Variants in NCK1 observed in about 807,000 individuals in gnomAD.
NCK1 encodes the protein SH2/SH3 adapter protein NCK1.
NCK1 carries 19 observed loss-of-function variants against 36.6 expected under a neutral mutation model. The observed-to-expected ratio is 0.52, with a 90% CI of 0.36 to 0.76. NCK1 has a LOEUF of 0.76. Ranked by LOEUF, NCK1 falls within the 30% of genes least tolerant of loss-of-function variation. NCK1 has a pLI of 0.00. For synonymous variants in NCK1, 165 were observed against 156.0 expected (o/e 1.06, Z -0.43); for missense variants, 358 against 445.6 (o/e 0.80, Z 1.77).
At chr3:136,873,416 T>C (rs1938682553) in intron 1 of NCK1, among the ~76,000 whole-genome samples, 1 of 152,312 alleles carries the variant, frequency 6.6e-6, no homozygotes, top group South Asian at 2.1e-4. Context: ...CCATCTTATC[T>C]AGGAAGTAAC....
intron 1 of NCK1, among the ~76,000 whole-genome samples, chr3:136,888,638 G>A (rs888611885): frequency 1.3e-5 from 2 of 151,632 alleles, no homozygotes; most frequent in East Asian, 1.9e-4. Flanking sequence ...TCTTGACCTC[G>A]CGAGCCACCG....
intron 1 of NCK1, among the ~76,000 whole-genome samples, chr3:136,880,151 G>A (rs1344982202): frequency 6.6e-6 from 1 of 151,964 alleles, no homozygotes; most frequent in East Asian, 1.9e-4. Flanking sequence ...CGGGTGTGGT[G>A]GTGGGCGCCT....
chr3:136,895,775 G>A (rs1162475324), intron 1 of NCK1, among the ~76,000 whole-genome samples: 1 of 152,032 alleles, frequency 6.6e-6, no homozygotes, highest in Non-Finnish European at 1.5e-5. Flanking sequence ...ATGTTGACCA[G>A]GCTGATCTCT....
At chr3:136,868,102 A>G (rs1158006569) in intron 1 of NCK1, among the ~76,000 whole-genome samples, 1 of 151,980 alleles carries the variant, frequency 6.6e-6, no homozygotes, top group Non-Finnish European at 1.5e-5. Flanking sequence ...TTTTTAGTAG[A>G]GATGGGTTTC....
At chr3:136,892,115 T>C (rs891928260) in intron 1 of NCK1, among the ~76,000 whole-genome samples, 5 of 152,134 alleles carry the variant, frequency 3.3e-5, no homozygotes, top group Admixed American at 2.6e-4. Context: ...CTTGAACTTT[T>C]AGCCTCAAGG....
chr3:136,866,342 C>G (rs1938410072), intron 1 of NCK1, among the ~76,000 whole-genome samples: 1 of 149,982 alleles, frequency 6.7e-6, no homozygotes, highest in South Asian at 2.1e-4. Context: ...GAGTCTCGCT[C>G]TGTTGCCCAG....
chr3:136,913,815 C>T (rs1939891175), intron 1 of NCK1, among the ~76,000 whole-genome samples: 2 of 152,302 alleles, frequency 1.3e-5, no homozygotes, highest in South Asian at 2.1e-4. Flanking sequence ...ACTACAGGCG[C>T]CCGCCACCGC....
chr3:136,868,528 A>G (rs1938514319), intron 1 of NCK1, among the ~76,000 whole-genome samples: 1 of 152,046 alleles, frequency 6.6e-6, no homozygotes, highest in Non-Finnish European at 1.5e-5. Context: ...GGGTTTCACC[A>G]TGTTGGCCAG....
chr3:136,917,823 C>T lies in NCK1; in HGVS notation c.-18-10161C>T, dbSNP rs904037032. ...TCAGGAAGATAATTCCCAGAACCTT[C>T]GCAATGGATGACAAATACATCAGTA... On this transcript the variant is annotated intron_variant, in intron 1 of 3. Transcript: ENST00000481752. 3.3e-5 allele frequency among the ~76,000 whole-genome samples: 5 copies of T among 152,198 alleles called. No individual in the cohort carries two copies. In the East Asian group the frequency reaches 7.7e-4, roughly 23 times the overall value.
chr3:136,910,276 T>TC (rs1200964781), intron 1 of NCK1, among the ~76,000 whole-genome samples: 4 of 152,172 alleles, frequency 2.6e-5, no homozygotes, highest in Admixed American at 2.0e-4. Flanking sequence ...GATAAAACAC[T>TC]CCAATTTAAA....
chr3:136,883,222 ACTT>A (rs1051518791), intron 1 of NCK1, among the ~76,000 whole-genome samples: 1 of 152,130 alleles, frequency 6.6e-6, no homozygotes, highest in African/African-American at 2.4e-5. Flanking sequence ...TGCCCAGCCT[ACTT>A]CTTATTACAT....
intron 1 of NCK1, among the ~76,000 whole-genome samples, chr3:136,881,426 G>A (rs951916002): frequency 6.6e-6 from 1 of 151,908 alleles, no homozygotes; most frequent in Admixed American, 6.6e-5. Flanking sequence ...CACCATATTG[G>A]CCAGGCTGGT....
chr3:136,899,780 A>G (rs183523615), intron 1 of NCK1: 18 of 1,408,156 alleles, frequency 1.3e-5, no homozygotes, highest in Non-Finnish European at 1.6e-5. Context: ...ACTTCTGCAC[A>G]TTAGTGGTGA....
intron 1 of NCK1, among the ~76,000 whole-genome samples, chr3:136,916,941 T>A (rs1426838513): frequency 1.3e-5 from 2 of 151,990 alleles, no homozygotes; most frequent in African/African-American, 4.8e-5. Context: ...AGGAGGGAAA[T>A]TAAATATATT....
chr3:136,919,506 C>T (rs1017813471), intron 1 of NCK1, among the ~76,000 whole-genome samples: 1 of 152,058 alleles, frequency 6.6e-6, no homozygotes, highest in Non-Finnish European at 1.5e-5. Flanking sequence ...AATTAACATC[C>T]TAGTATTATG....
At chr3:136,897,246 G>C (rs764432975) in intron 1 of NCK1, among the ~76,000 whole-genome samples, 1 of 152,002 alleles carries the variant, frequency 6.6e-6, no homozygotes, top group Non-Finnish European at 1.5e-5. Flanking sequence ...GTGCCACCAT[G>C]CTCGGCTAAT....
chr3:136,930,965 C>T (rs1576985072), intron 2 of NCK1, among the ~76,000 whole-genome samples: 1 of 129,666 alleles, frequency 7.7e-6, no homozygotes, highest in Non-Finnish European at 1.6e-5. Context: ...TCTTCATCCT[C>T]AACTTTGGAA....
chr3:136,918,867 G>C (rs977982869), intron 1 of NCK1, among the ~76,000 whole-genome samples: 4 of 152,148 alleles, frequency 2.6e-5, no homozygotes, highest in Admixed American at 6.5e-5. Flanking sequence ...TATATATTCA[G>C]TGTTTTCACT....
chr3:136,905,641 CT>C (rs767773801), intron 1 of NCK1, among the ~76,000 whole-genome samples: 61 of 152,030 alleles, frequency 4.0e-4, no homozygotes, highest in Non-Finnish European at 6.6e-4. Flanking sequence ...TTTTTCCCCC[CT>C]GAGACAGGGT....
Sources: allele counts gnomAD v4.1 joint callset (sites outside exome capture counted in the v4.1 genomes callset), GRCh38; gene constraint gnomAD v4.1.1; transcripts MANE v1.5; gene names NCBI Gene and HGNC (gene_info 2026-07-23, HGNC 2026-07-21).